Variants in CPSF7 observed in about 807,000 individuals in gnomAD.
CPSF7 encodes cleavage and polyadenylation specific factor 7.
Under a neutral mutation model 44.3 loss-of-function variants are expected in CPSF7, and 1 was observed. That is an observed-to-expected ratio of 0.02 (90% CI 0.01 to 0.11). CPSF7 has a LOEUF of 0.11. Among genes scored for constraint, CPSF7 ranks in the 10% least tolerant of loss-of-function variants. The pLI, the probability that CPSF7 is intolerant of heterozygous loss-of-function variation, is 1.00. For synonymous variants in CPSF7, 202 were observed against 222.0 expected (o/e 0.91, Z 0.80); for missense variants, 443 against 607.2 (o/e 0.73, Z 2.84).
chr11:61,411,999 AAG>A (rs1276605843), intron 7 of CPSF7, 62 bp from the exon 8 acceptor site: 1 of 1,468,432 alleles, frequency 6.8e-7, no homozygotes, highest in Non-Finnish European at 9.5e-7. Context: ...ACTGGACCAA[AAG>A]GAGAACTCAG....
chr11:61,407,691 A>T lies in CPSF7; in HGVS notation c.*6-2987T>A, dbSNP rs1362859337. On this transcript the variant is annotated intron_variant, in intron 9 of 9. Transcript: ENST00000439958. Reference sequence around the variant, plus strand: ...GAGTGGCTAACAACAGAGAACAGAGACAAAAAATATTAGTAATTTTTCATC... The same window carrying T: ...GAGTGGCTAACAACAGAGAACAGAGTCAAAAAATATTAGTAATTTTTCATC... Among the ~76,000 whole-genome samples the T allele has an allele frequency of 2.0e-5, 3 of 152,370 alleles. No homozygotes were observed. In the South Asian group the frequency reaches 6.2e-4, roughly 32 times the overall value.
chr11:61,426,732 TTAA>T (rs1417599337), intron 2 of CPSF7: 1 of 152,136 alleles, frequency 6.6e-6, no homozygotes, highest in African/African-American at 2.4e-5. Context: ...AAGCTTTTCA[TTAA>T]TAACAAAGGT....
chr11:61,425,922 A>G (rs996160738), intron 2 of CPSF7, among the ~76,000 whole-genome samples: 1 of 152,198 alleles, frequency 6.6e-6, no homozygotes, highest in African/African-American at 2.4e-5. Flanking sequence ...ATACTTATTG[A>G]TGGACATAAG....
At chr11:61,409,126 CAG>C (rs1859608118) in intron 9 of CPSF7, among the ~76,000 whole-genome samples, 2 of 149,802 alleles carry the variant, frequency 1.3e-5, no homozygotes, top group South Asian at 2.1e-4. Context: ...GCCTGGGTGA[CAG>C]AGTGAGACAA....
chr11:61,421,127 C>T (rs1565113894), intron 3 of CPSF7: 1 of 1,420,426 alleles, frequency 7.0e-7, no homozygotes, highest in Non-Finnish European at 9.3e-7. Context: ...CTCAGATGAC[C>T]CTGCTAGACA....
chr11:61,415,625 A>G (rs1200746883), intron 7 of CPSF7, 41 bp downstream of exon 7: 2 of 1,305,212 alleles, frequency 1.5e-6, no homozygotes, highest in East Asian at 4.6e-5. Context: ...AAAAAAAAGT[A>G]AAGGTTAAGG....
Position 61,429,215 on chromosome 11 carries a change from C to A in CPSF7, c.21G>T (p.Leu7Phe). Residue 7 changes from leucine to phenylalanine, a missense_variant, in exon 2 of 10, where the codon TTG (leucine) becomes TTT (phenylalanine). Physicochemically the swap from Leu to Phe is conservative, Grantham distance 22. Coordinates refer to ENST00000439958, the MANE Select transcript of CPSF7 (RefSeq NM_001142565.3). MSEGVD[L>F]IDIYADEEFN... Reference sequence around the variant, plus strand: ...ACTCCTCGTCAGCATATATATCAATCAAGTCCACTCCTTCTGACATGGCTC... The same window carrying A: ...ACTCCTCGTCAGCATATATATCAATAAAGTCCACTCCTTCTGACATGGCTC... 6.2e-7 allele frequency: 1 copy of A among 1,612,730 alleles called. No individual in the cohort carries two copies. Among genetic ancestry groups the A allele is most frequent in the South Asian group, 1.1e-5 (1 of 91,028 alleles).
In CPSF7 at chr11:61,405,333, A is replaced by G. The variant is rs115809937; in HGVS notation, c.*6-629T>C. Among the ~76,000 whole-genome samples the G allele has an allele frequency of 7.5e-3, 1,149 of 152,290 alleles. 14 individuals carry two copies. The highest frequency in any genetic ancestry group is 0.027 in the South Asian group (131 of 4,822). The stretch of plus-strand genomic sequence containing the variant: ...TGTGTGTACACAAACACAGCCCCAG[A>G]GGTTTTCCAAGTGTACTAAAACTCG... On this transcript the variant is annotated intron_variant, in intron 9 of 9. Coordinates refer to ENST00000439958, the MANE Select transcript of CPSF7 (RefSeq NM_001142565.3).
chr11:61,422,835 T>C (rs1861010021), intron 2 of CPSF7, among the ~76,000 whole-genome samples: 1 of 152,082 alleles, frequency 6.6e-6, no homozygotes, highest in South Asian at 2.1e-4. Flanking sequence ...AGGACCTTAA[T>C]GTTTAGGATT....
intron 7 of CPSF7, among the ~76,000 whole-genome samples, chr11:61,413,029 A>G (rs1283074951): frequency 2.6e-5 from 4 of 152,132 alleles, no homozygotes; most frequent in African/African-American, 9.7e-5. Context: ...ATCATAGCTC[A>G]CTGCATCCTT....
intron 9 of CPSF7, among the ~76,000 whole-genome samples, chr11:61,405,031 G>A (rs532828402): frequency 2.0e-5 from 3 of 152,164 alleles, no homozygotes; most frequent in Non-Finnish European, 4.4e-5. Context: ...TGGAAACTGT[G>A]ACATATTTCA....
At chr11:61,409,969 C>CA (rs145644967) in intron 9 of CPSF7, among the ~76,000 whole-genome samples, 76 of 143,518 alleles carry the variant, frequency 5.3e-4, no homozygotes, top group Admixed American at 1.1e-3. Context: ...GGCTCTGTCT[C>CA]AAAAAAAAAA....
rs563699635 is a variant in CPSF7, at chr11:61,412,506, G to C, written c.1058-569C>G. On this transcript the variant is annotated intron_variant, in intron 7 of 9. Coordinates refer to ENST00000439958, the MANE Select transcript of CPSF7 (RefSeq NM_001142565.3). The stretch of plus-strand genomic sequence containing the variant: ...GAGTTTCACCGTGTTAGCCAGGATG[G>C]TCTTGATCTCCTGACCCTGTGATCC... 1.0e-3 allele frequency among the ~76,000 whole-genome samples: 153 copies of C among 152,252 alleles called. 1 individual carries two copies. Among genetic ancestry groups the C allele is most frequent in the South Asian group, 2.3e-3 (11 of 4,824 alleles).
At chr11:61,421,019 T>C (rs1860822144) in intron 3 of CPSF7, 2 of 1,164,088 alleles carry the variant, frequency 1.7e-6, no homozygotes, top group African/African-American at 1.6e-5. Flanking sequence ...CCAAGTATAC[T>C]AGAGTTATCA....
At chr11:61,429,485 C>T in intron 1 of CPSF7, 195 bp from the exon 2 acceptor site, 1 of 530,598 alleles carries the variant, frequency 1.9e-6, no homozygotes, top group Non-Finnish European at 3.2e-6. Context: ...CTGCCCATCA[C>T]CCTCGGGCCC....
In CPSF7 at chr11:61,427,482, G is replaced by A. The variant is rs183062047; in HGVS notation, c.54+1700C>T. 3.9e-3 allele frequency among the ~76,000 whole-genome samples: 586 copies of A among 151,760 alleles called. 2 individuals carry two copies. Among genetic ancestry groups the A allele is most frequent in the Non-Finnish European group, 5.4e-3 (369 of 67,914 alleles). On this transcript the variant is annotated intron_variant, in intron 2 of 9. Coordinates refer to ENST00000439958, the MANE Select transcript of CPSF7 (RefSeq NM_001142565.3). ...AACCTGGCCAACATGGTGAAACCCC[G>A]TCTCTACTAAAATTACAAAAATTAG...
intron 2 of CPSF7, among the ~76,000 whole-genome samples, chr11:61,425,426 G>T (rs564548683): frequency 3.9e-5 from 6 of 152,316 alleles, no homozygotes; most frequent in Admixed American, 3.9e-4. Context: ...GATTAAACAT[G>T]AAACATATAT....
chr11:61,421,160 G>A, intron 3 of CPSF7: 1 of 1,399,922 alleles, frequency 7.1e-7, no homozygotes, highest in Non-Finnish European at 9.6e-7. Flanking sequence ...GTCAGGGGCA[G>A]TAACAAGATG....
chr11:61,418,295 TCCTC>T (rs1416579531), intron 5 of CPSF7, among the ~76,000 whole-genome samples: 6 of 152,128 alleles, frequency 3.9e-5, no homozygotes. Flanking sequence ...ACTTTGCTGT[TCCTC>T]CCACTGTAGC....
Sources: gnomAD v4.1 joint callset for allele counts (sites outside exome capture counted in the v4.1 genomes callset) on GRCh38, gnomAD v4.1.1 for gene constraint, MANE v1.5 for transcripts, NCBI Gene and HGNC (gene_info 2026-07-23, HGNC 2026-07-21) for gene names.